PTPRD: variants seen among roughly 807,000 people sequenced by gnomAD.
PTPRD encodes protein tyrosine phosphatase receptor type D, also known as receptor-type tyrosine-protein phosphatase delta.
In PTPRD, 34 loss-of-function variants were observed where a neutral mutation model predicts 214.5. The ratio of observed to expected loss-of-function variants is 0.16; its 90% CI spans 0.12 to 0.21. The LOEUF (loss-of-function observed/expected upper bound fraction) is 0.21. Ranked by LOEUF, PTPRD falls within the 10% of genes least tolerant of loss-of-function variation. The pLI, the probability that PTPRD is intolerant of heterozygous loss-of-function variation, is 1.00. For missense variants in PTPRD, 2,545 were observed against 2,398.7 expected (o/e 1.06, Z -1.27); for synonymous variants, 1,128 against 845.7 (o/e 1.33, Z -5.79).
intron 11 of PTPRD, among the ~76,000 whole-genome samples, chr9:8,906,281 A>T (rs150399546): frequency 6.6e-6 from 1 of 152,178 alleles, no homozygotes. Context: ...CTGTTTTTTT[A>T]AGCACTTGTT....
intron 11 of PTPRD, among the ~76,000 whole-genome samples, chr9:8,783,043 C>T (rs1468511515): frequency 6.6e-6 from 1 of 152,130 alleles, no homozygotes; most frequent in Non-Finnish European, 1.5e-5. Context: ...TTCCTCAAGA[C>T]TCAATTTCAG....
intron 44 of PTPRD, among the ~76,000 whole-genome samples, chr9:8,330,200 C>T (rs988053876): frequency 1.3e-5 from 2 of 152,170 alleles, no homozygotes; most frequent in Admixed American, 6.5e-5. Context: ...CCTTTGTGGG[C>T]TGCACCCACT....
At chr9:9,084,323 G>C (rs1254743010) in intron 10 of PTPRD, among the ~76,000 whole-genome samples, 1 of 152,066 alleles carries the variant, frequency 6.6e-6, no homozygotes, top group Non-Finnish European at 1.5e-5. Flanking sequence ...AACACCGCAT[G>C]TTCTCACTCA....
At chr9:8,592,543 C>T (rs1452933356) in intron 14 of PTPRD, among the ~76,000 whole-genome samples, 6 of 152,134 alleles carry the variant, frequency 3.9e-5, no homozygotes, top group Admixed American at 3.9e-4. Context: ...TTACAGTCGA[C>T]ACCAAAGGCA....
intron 14 of PTPRD, among the ~76,000 whole-genome samples, chr9:8,610,592 A>G (rs1217765672): frequency 6.6e-6 from 1 of 152,212 alleles, no homozygotes; most frequent in Admixed American, 6.5e-5. Flanking sequence ...AAAAGCTGCG[A>G]AAGTCAAGGA....
At chr9:9,754,994 G>A (rs1429806947) in intron 6 of PTPRD, among the ~76,000 whole-genome samples, 2 of 151,980 alleles carry the variant, frequency 1.3e-5, no homozygotes, top group Non-Finnish European at 2.9e-5. Flanking sequence ...GATAATTTGC[G>A]AATCAGCTGC....
At chr9:8,971,136 T>C (rs1019960809) in intron 11 of PTPRD, among the ~76,000 whole-genome samples, 2 of 151,846 alleles carry the variant, frequency 1.3e-5, no homozygotes, top group African/African-American at 4.8e-5. Context: ...TTTGCAAATA[T>C]ATGTAATTTT....
At chr9:8,593,827 C>G (rs1436603266) in intron 14 of PTPRD, among the ~76,000 whole-genome samples, 1 of 152,184 alleles carries the variant, frequency 6.6e-6, no homozygotes. Context: ...ACCATCATAG[C>G]TGGTGAAATG....
chr9:9,557,484 C>T (rs191316823), intron 8 of PTPRD, among the ~76,000 whole-genome samples: 4 of 152,148 alleles, frequency 2.6e-5, no homozygotes, highest in East Asian at 1.9e-4. Flanking sequence ...AGCTCTCTCT[C>T]GGGAGAAAAA....
At chr9:10,130,912 C>T (rs1439121009) in intron 3 of PTPRD, among the ~76,000 whole-genome samples, 1 of 152,028 alleles carries the variant, frequency 6.6e-6, no homozygotes, top group African/African-American at 2.4e-5. Context: ...CAAAGTAGTT[C>T]AGCACTTCTT....
chr9:10,497,940 G>C (rs1180506188), intron 2 of PTPRD, among the ~76,000 whole-genome samples: 1 of 151,992 alleles, frequency 6.6e-6, no homozygotes, highest in Non-Finnish European at 1.5e-5. Context: ...TGCTTATCTA[G>C]TCTGTTGGTT....
intron 3 of PTPRD, among the ~76,000 whole-genome samples, chr9:10,323,771 A>T (rs1429241482): frequency 1.3e-5 from 2 of 151,984 alleles, no homozygotes; most frequent in African/African-American, 2.4e-5. Flanking sequence ...GGAGATTTTA[A>T]ATATTGGGAT....
chr9:8,956,148 C>A (rs2099130550), intron 11 of PTPRD, among the ~76,000 whole-genome samples: 1 of 151,806 alleles, frequency 6.6e-6, no homozygotes, highest in Admixed American at 6.6e-5. Flanking sequence ...GCTGACCTCC[C>A]AGTGTGAACA....
intron 2 of PTPRD, among the ~76,000 whole-genome samples, chr9:10,517,615 T>A (rs1819568): frequency 0.28 from 41,873 of 151,836 alleles, 6,164 homozygotes; most frequent in East Asian, 0.45. Context: ...GTAGTATATA[T>A]ATGAATGTAT....
Position 9,731,998 on chromosome 9 carries a change from C to T in PTPRD, c.-287+2535G>A, listed in dbSNP as rs554472008. On this transcript the variant is annotated intron_variant, in intron 7 of 45. Transcript: ENST00000381196. ...TGACAGTGTAAGGTAAAGTGCTATG[C>T]TTTGTCATCTTAAAAACAAAGAGTT... is the stretch of plus-strand genomic sequence containing the variant. Among the ~76,000 whole-genome samples the T allele has an allele frequency of 5.9e-5, 9 of 152,214 alleles. No homozygotes were observed. In the East Asian group the frequency reaches 1.5e-3, roughly 26 times the overall value.
intron 2 of PTPRD, among the ~76,000 whole-genome samples, chr9:10,356,959 G>A (rs550028074): frequency 2.6e-5 from 4 of 151,936 alleles, no homozygotes; most frequent in Admixed American, 2.0e-4. Flanking sequence ...GGGATTACAA[G>A]TGTGAGCCAC....
chr9:9,426,553 G>A (rs566760000), intron 8 of PTPRD, among the ~76,000 whole-genome samples: 6 of 152,318 alleles, frequency 3.9e-5, no homozygotes, highest in Admixed American at 1.3e-4. Context: ...GCTTTGAAGA[G>A]TGTAGTGGAT....
chr9:10,261,369 G>T (rs112674752), intron 3 of PTPRD, among the ~76,000 whole-genome samples: 2 of 151,974 alleles, frequency 1.3e-5, no homozygotes, highest in African/African-American at 2.4e-5. Context: ...CATTGCTAAT[G>T]TTATGAACAT....
chr9:9,681,797 T>C (rs1227754553), intron 7 of PTPRD, among the ~76,000 whole-genome samples: 3 of 151,820 alleles, frequency 2.0e-5, no homozygotes, highest in Non-Finnish European at 4.4e-5. Flanking sequence ...ATTTCCTAGC[T>C]GGTTGTTGAC....
Sources: gnomAD v4.1 joint callset for allele counts (sites outside exome capture counted in the v4.1 genomes callset) on GRCh38, gnomAD v4.1.1 for gene constraint, MANE v1.5 for transcripts, NCBI Gene and HGNC (gene_info 2026-07-23, HGNC 2026-07-21) for gene names.